RGL1: variants seen among roughly 807,000 people sequenced by gnomAD.
RGL1 encodes ral guanine nucleotide dissociation stimulator-like 1.
In RGL1, 24 loss-of-function variants were observed where a neutral mutation model predicts 95.2. That is an observed-to-expected ratio of 0.25 (90% CI 0.18 to 0.35). RGL1 has a LOEUF of 0.35. Ranked by LOEUF, RGL1 falls within the 10% of genes least tolerant of loss-of-function variation. The pLI is 1.00. For missense variants in RGL1, 715 were observed against 936.3 expected, an observed-to-expected ratio of 0.76 and a Z score of 3.08; for synonymous variants, 329 against 344.9, an observed-to-expected ratio of 0.95 and a Z score of 0.51.
intron 3 of RGL1, among the ~76,000 whole-genome samples, chr1:183,855,396 CAAT>C (rs139407890): frequency 0.022 from 3,392 of 152,284 alleles, 113 homozygotes; most frequent in African/African-American, 0.072. Flanking sequence ...GAGATGCGTA[CAAT>C]ATGTTCCAAT....
At chr1:183,814,189 G>C (rs1661920256) in intron 2 of RGL1, among the ~76,000 whole-genome samples, 2 of 102,382 alleles carry the variant, frequency 2.0e-5, no homozygotes, top group East Asian at 5.2e-4. Context: ...AGCTCAGTTA[G>C]TCTCATACAG....
chr1:183,669,851 G>A (rs114462253), intron 1 of RGL1, among the ~76,000 whole-genome samples: 1,979 of 150,302 alleles, frequency 0.013, 53 homozygotes, highest in African/African-American at 0.048. Context: ...GAGAAGTGGC[G>A]AGAAAAAGGG....
chr1:183,910,242 A>G (rs186575203), intron 14 of RGL1, among the ~76,000 whole-genome samples: 1 of 152,242 alleles, frequency 6.6e-6, no homozygotes, highest in East Asian at 1.9e-4. Context: ...GATTACAGGC[A>G]CATGCCACCA....
intron 2 of RGL1, among the ~76,000 whole-genome samples, chr1:183,797,857 T>C (rs962167709): frequency 2.0e-5 from 3 of 152,140 alleles, no homozygotes; most frequent in African/African-American, 7.2e-5. Flanking sequence ...ACCTAAAGAA[T>C]AGGGAGAAGC....
At chr1:183,810,420 T>C (rs765058844) in intron 2 of RGL1, among the ~76,000 whole-genome samples, 1 of 152,248 alleles carries the variant, frequency 6.6e-6, no homozygotes, top group Non-Finnish European at 1.5e-5. Context: ...GGTGGGGCAC[T>C]GAGGCCTTTC....
intron 1 of RGL1, among the ~76,000 whole-genome samples, chr1:183,688,363 C>G (rs1407981991): frequency 6.6e-6 from 1 of 151,978 alleles, no homozygotes; most frequent in Admixed American, 6.6e-5. Flanking sequence ...GTAAAAACAC[C>G]TTTTATATAG....
intron 2 of RGL1, among the ~76,000 whole-genome samples, chr1:183,765,790 G>A (rs1658931336): frequency 6.6e-6 from 1 of 152,142 alleles, no homozygotes; most frequent in African/African-American, 2.4e-5. Context: ...AATTGTGGAT[G>A]ATAAAAATCT....
intron 3 of RGL1, among the ~76,000 whole-genome samples, chr1:183,853,555 T>C (rs1664957857): frequency 6.6e-6 from 1 of 152,246 alleles, no homozygotes; most frequent in Admixed American, 6.5e-5. Context: ...TTATCTGACT[T>C]AAATTTGCTT....
At chr1:183,816,638 A>C (rs1262016515) in intron 2 of RGL1, among the ~76,000 whole-genome samples, 1 of 152,162 alleles carries the variant, frequency 6.6e-6, no homozygotes, top group African/African-American at 2.4e-5. Context: ...TTAATATGTA[A>C]GTTTTTATAC....
intron 1 of RGL1, among the ~76,000 whole-genome samples, chr1:183,716,377 G>A: frequency 6.6e-6 from 1 of 152,198 alleles, no homozygotes; most frequent in South Asian, 2.1e-4. Context: ...TTTCTTGCTT[G>A]TTACAAAGTA....
At chr1:183,920,471 T>G (rs1284233571) in intron 16 of RGL1, among the ~76,000 whole-genome samples, 4 of 152,238 alleles carry the variant, frequency 2.6e-5, no homozygotes, top group Non-Finnish European at 5.9e-5. Flanking sequence ...TAATCATAAG[T>G]TTGATTCAGC....
chr1:183,832,236 G>A (rs1345734050), intron 2 of RGL1, among the ~76,000 whole-genome samples: 1 of 152,158 alleles, frequency 6.6e-6, no homozygotes, highest in Non-Finnish European at 1.5e-5. Flanking sequence ...TTGGATTTTG[G>A]GGGGATGAGG....
At chr1:183,780,919 A>G (rs2102354536) in intron 2 of RGL1, among the ~76,000 whole-genome samples, 1 of 152,374 alleles carries the variant, frequency 6.6e-6, no homozygotes, top group East Asian at 1.9e-4. Flanking sequence ...TGGAGCCACC[A>G]GCAGCTCCTG....
chr1:183,895,028 T>C (rs1667610368), intron 9 of RGL1, among the ~76,000 whole-genome samples: 1 of 152,196 alleles, frequency 6.6e-6, no homozygotes, highest in African/African-American at 2.4e-5. Flanking sequence ...AAATCTTGGT[T>C]CTCATGATTC....
intron 1 of RGL1, chr1:183,648,739 T>C (rs1650502622): frequency 1.2e-6 from 2 of 1,613,188 alleles, no homozygotes; most frequent in Admixed American, 1.7e-5. Flanking sequence ...GGTTTTACTA[T>C]TGTTCCATGA....
intron 1 of RGL1, among the ~76,000 whole-genome samples, chr1:183,658,729 G>A (rs1217513472): frequency 1.3e-5 from 2 of 152,146 alleles, no homozygotes; most frequent in Non-Finnish European, 2.9e-5. Flanking sequence ...CACACAGCTG[G>A]AGATCTGAGA....
At chr1:183,675,735 G>A (rs7531622) in intron 1 of RGL1, among the ~76,000 whole-genome samples, 13,098 of 152,110 alleles carry the variant, frequency 0.086, 1,071 homozygotes, top group African/African-American at 0.22. Flanking sequence ...CTCCTGTAAT[G>A]CCTATCCTCT....
chr1:183,718,721 C>T (rs1318928105), intron 1 of RGL1, among the ~76,000 whole-genome samples: 1 of 151,924 alleles, frequency 6.6e-6, no homozygotes, highest in Admixed American at 6.6e-5. Context: ...TCGAGACCAG[C>T]CTGACCAACA....
rs183856804 is a variant in RGL1, at chr1:183,815,059, G to A, written c.138+8574G>A. On this transcript the variant is annotated intron_variant, in intron 2 of 17. Transcript: ENST00000360851. ...GGTCCGGATGGGTGGATCACTTGAG[G>A]TCAAGAGTTCAAGACCAGCCTGGCC... 5.0e-3 allele frequency among the ~76,000 whole-genome samples: 754 copies of A among 152,224 alleles called. 6 individuals are homozygous for A. The highest frequency in any genetic ancestry group is 0.015 in the South Asian group (72 of 4,818).
Sources: gnomAD v4.1 joint callset for allele counts (sites outside exome capture counted in the v4.1 genomes callset) on GRCh38, gnomAD v4.1.1 for gene constraint, MANE v1.5 for transcripts, NCBI Gene and HGNC (gene_info 2026-07-23, HGNC 2026-07-21) for gene names.